Variants in ARHGAP40 observed in about 807,000 individuals in gnomAD.
ARHGAP40 encodes the protein Rho GTPase activating protein 40, also known as rho GTPase-activating protein 40.
ARHGAP40 carries 43 observed loss-of-function variants against 73.5 expected under a neutral mutation model. The ratio of observed to expected loss-of-function variants is 0.58; its 90% CI spans 0.46 to 0.75. The LOEUF (loss-of-function observed/expected upper bound fraction) is 0.75, where lower values mean the gene tolerates loss of function less well. ARHGAP40 is among the 30% of genes least tolerant of loss of function. The pLI, the probability that ARHGAP40 is intolerant of heterozygous loss-of-function variation, is 0.00. For synonymous variants in ARHGAP40, 300 were observed against 352.8 expected, an observed-to-expected ratio of 0.85 and a Z score of 1.68; for missense variants, 734 against 861.8, an observed-to-expected ratio of 0.85 and a Z score of 1.86.
intron 1 of ARHGAP40, among the ~76,000 whole-genome samples, chr20:38,609,175 C>T (rs1051243669): frequency 2.0e-5 from 3 of 152,154 alleles, no homozygotes; most frequent in African/African-American, 7.2e-5. Context: ...TCTGCCTACC[C>T]GCAGTCACCC....
intron 2 of ARHGAP40, among the ~76,000 whole-genome samples, chr20:38,624,105 G>A (rs2088887318): frequency 6.6e-6 from 1 of 152,194 alleles, no homozygotes; most frequent in African/African-American, 2.4e-5. Context: ...GGCTCAGCTA[G>A]GTGGTTCTTG....
rs113552428 is a variant in ARHGAP40, at chr20:38,632,259, C to A, written c.784-2361C>A. Reference sequence around the variant, plus strand: ...GATTACAGGTATGAGCCACTGCACCCGGCCTAAATTTTTTTTTTTTTGAGA... The same window carrying A: ...GATTACAGGTATGAGCCACTGCACCAGGCCTAAATTTTTTTTTTTTTGAGA... On this transcript the variant is annotated intron_variant, in intron 5 of 14. Coordinates refer to ENST00000373345, the Ensembl canonical transcript of ARHGAP40. Among the ~76,000 whole-genome samples, 1,374 of 144,272 alleles carry A rather than the reference C, an allele frequency of 9.5e-3. 21 individuals carry two copies. The highest frequency in any genetic ancestry group is 0.033 in the African/African-American group (1,297 of 39,358). 94.6% of individuals were successfully genotyped at this position (144,272 alleles called of 152,430 possible).
rs1357322517 is a variant in ARHGAP40 at position 38,646,202 on chromosome 20, C to A, written c.1710+15C>A. On this transcript the variant is annotated intron_variant, in intron 12 of 14. Coordinates refer to ENST00000373345, the Ensembl canonical transcript of ARHGAP40. This position sits in a 1 kb window ranked among gnomAD's most constrained non-coding sequence, Gnocchi z 4.5. ...GCCTCGAGGCGGTGAGTGCCCCCGA[C>A]CCCAGACAGGTGGAGAAGGGCCGAG... 3.9e-6 allele frequency: 5 copies of A among 1,295,544 alleles called. No individual in the cohort carries two copies. The highest frequency in any genetic ancestry group is 3.7e-5 in the South Asian group (3 of 80,548). The allele number at this position is 1,295,544 out of a possible 1,614,324, so 80.3% of individuals were successfully genotyped here. A position where few individuals can be genotyped will look rare whatever the true frequency, so the allele number is the denominator to read the frequency against.
chr20:38,614,026 A>G (rs2088818891), intron 1 of ARHGAP40, among the ~76,000 whole-genome samples: 1 of 152,194 alleles, frequency 6.6e-6, no homozygotes, highest in South Asian at 2.1e-4. Flanking sequence ...ACCTTTTATA[A>G]CATCTCATTC....
intron 11 of ARHGAP40, among the ~76,000 whole-genome samples, chr20:38,645,585 G>C (rs575029372): frequency 6.6e-6 from 1 of 152,162 alleles, no homozygotes; most frequent in Non-Finnish European, 1.5e-5. Flanking sequence ...AGGGTCCATG[G>C]AGTCTGGGTT....
At chr20:38,619,883 GAGC>G (rs1374546122) in intron 1 of ARHGAP40, among the ~76,000 whole-genome samples, 1 of 151,882 alleles carries the variant, frequency 6.6e-6, no homozygotes, top group East Asian at 1.9e-4. Context: ...AGGGCAGCCT[GAGC>G]AGCATAGCAA....
At chr20:38,635,223 CT>C (rs985803909) in intron 6 of ARHGAP40, among the ~76,000 whole-genome samples, 9 of 151,220 alleles carry the variant, frequency 6.0e-5, no homozygotes, top group Non-Finnish European at 1.0e-4. Flanking sequence ...ATTTTTTTTT[CT>C]GCATATGTAA....
At chr20:38,602,561 C>T (rs1174419306) in intron 1 of ARHGAP40, among the ~76,000 whole-genome samples, 2 of 152,140 alleles carry the variant, frequency 1.3e-5, no homozygotes, top group Admixed American at 1.3e-4. Context: ...TTCAAATAGT[C>T]ATTTCCCCCA....
At chr20:38,637,377 G>A (rs1225602849) in intron 6 of ARHGAP40, among the ~76,000 whole-genome samples, 1 of 152,136 alleles carries the variant, frequency 6.6e-6, no homozygotes, top group African/African-American at 2.4e-5. Flanking sequence ...TCGACCTCCT[G>A]ACCTCAGGTG....
intron 1 of ARHGAP40, among the ~76,000 whole-genome samples, chr20:38,616,178 C>A (rs2088836786): frequency 6.6e-6 from 1 of 152,214 alleles, no homozygotes; most frequent in East Asian, 1.9e-4. Flanking sequence ...CTCTCTCACC[C>A]ACCTCTCTCC....
rs141961580 is a variant in ARHGAP40 at position 38,626,723 on chromosome 20, C to T, written c.338-272C>T. Among the ~76,000 whole-genome samples, 1,053 of 152,272 alleles carry T rather than the reference C, an allele frequency of 6.9e-3. 14 individuals are homozygous for T. Among genetic ancestry groups the T allele is most frequent in the African/African-American group, 0.024 (1,006 of 41,550 alleles). ...AAATCTGAACATGCAGGGCCCTTCA[C>T]CCACCTCTGTTTTCCAGGGATTGCT... On this transcript the variant is annotated intron_variant, in intron 2 of 14. Transcript: ENST00000373345.
intron 6 of ARHGAP40, among the ~76,000 whole-genome samples, chr20:38,635,850 T>G (rs1174681390): frequency 1.3e-5 from 2 of 152,208 alleles, no homozygotes; most frequent in African/African-American, 2.4e-5. Flanking sequence ...AACTCATGAC[T>G]TAAGAATTCT....
chr20:38,608,704 G>A (rs375683750), intron 1 of ARHGAP40, among the ~76,000 whole-genome samples: 2 of 152,238 alleles, frequency 1.3e-5, no homozygotes, highest in East Asian at 1.9e-4. Context: ...TTGGGCCGTT[G>A]GGGCGGTGAA....
At chr20:38,605,910 A>G (rs2088768413) in intron 1 of ARHGAP40, among the ~76,000 whole-genome samples, 1 of 152,236 alleles carries the variant, frequency 6.6e-6, no homozygotes, top group South Asian at 2.1e-4. Context: ...TTTTGGAGAC[A>G]GAGTCTTGCT....
chr20:38,646,083 A>G lies in ARHGAP40; in HGVS notation c.1606A>G (p.Asn536Asp), dbSNP rs943815967. ...CCTGGTCGCCCAGGTGCGAAAACTG[A>G]ACGACAGTAGCAGCAGGCGCCCCCA... is the stretch of plus-strand genomic sequence containing the variant. Residue 536 changes from asparagine to aspartate, a missense_variant, in exon 12 of 15, where the codon AAC becomes GAC. Transcript: ENST00000373345. This position sits in a 1 kb window ranked among gnomAD's most constrained non-coding sequence, Gnocchi z 4.5. 8 of 1,304,064 alleles carry G rather than the reference A, an allele frequency of 6.1e-6. No individual in the cohort carries two copies. The African/African-American group carries it at 1.2e-4, about 20-fold the overall frequency. The allele number at this position is 1,304,064 out of a possible 1,614,324, so 80.8% of individuals were successfully genotyped here.
At chr20:38,638,668 CCT>C in intron 7 of ARHGAP40, 91 bp from the exon 8 acceptor site, 1 of 937,820 alleles carries the variant, frequency 1.1e-6, no homozygotes, top group Admixed American at 2.4e-5. Flanking sequence ...CTGGTACTCC[CCT>C]CTTTCTGATT....
intron 1 of ARHGAP40, among the ~76,000 whole-genome samples, chr20:38,616,914 G>A (rs220547): frequency 0.045 from 6,798 of 150,936 alleles, 467 homozygotes; most frequent in African/African-American, 0.15. Flanking sequence ...CTGACATGCT[G>A]TTAGTACTGA....
At chr20:38,612,977 C>T (rs1026856888) in intron 1 of ARHGAP40, among the ~76,000 whole-genome samples, 1 of 152,228 alleles carries the variant, frequency 6.6e-6, no homozygotes, top group Admixed American at 6.5e-5. Flanking sequence ...GCGCTGCTGG[C>T]TGGAGGCCTG....
intron 10 of ARHGAP40, 83 bp from the exon 11 acceptor site, chr20:38,643,620 AT>A: frequency 8.9e-7 from 1 of 1,129,402 alleles, no homozygotes; most frequent in South Asian, 1.4e-5. Flanking sequence ...GCACCCCCTT[AT>A]CATTCATCAG....
Sources: allele counts gnomAD v4.1 joint callset (sites outside exome capture counted in the v4.1 genomes callset), GRCh38; gene constraint gnomAD v4.1.1; non-coding constraint Gnocchi (gnomAD v3.1); transcripts MANE v1.5; gene names NCBI Gene and HGNC (gene_info 2026-07-23, HGNC 2026-07-21).